The following RAF1 variants were observed in gnomAD, a reference collection of about 807,000 sequenced individuals.
RAF1 encodes RAF proto-oncogene serine/threonine-protein kinase.
In RAF1, 27 loss-of-function variants were observed where a neutral mutation model predicts 81.1. The ratio of observed to expected loss-of-function variants is 0.33; its 90% CI spans 0.25 to 0.46. RAF1 has a LOEUF of 0.46. RAF1 is among the 20% of genes least tolerant of loss of function. The pLI, the probability that RAF1 is intolerant of heterozygous loss-of-function variation, is 1.00. For synonymous variants in RAF1, 298 were observed against 294.0 expected, an observed-to-expected ratio of 1.01 and a Z score of -0.14; for missense variants, 598 against 826.0, an observed-to-expected ratio of 0.72 and a Z score of 3.38.
At chr3:12,609,901 T>C (rs1463734553) in intron 3 of RAF1, among the ~76,000 whole-genome samples, 1 of 152,240 alleles carries the variant, frequency 6.6e-6, no homozygotes, top group Non-Finnish European at 1.5e-5. Context: ...AAATGGATTA[T>C]AAATATTGCT....
intron 1 of RAF1, among the ~76,000 whole-genome samples, chr3:12,644,723 G>C (rs1335000364): frequency 6.6e-6 from 1 of 152,080 alleles, no homozygotes; most frequent in Non-Finnish European, 1.5e-5. Context: ...CTTCAAAAAC[G>C]CCTTAGCAAA....
At chr3:12,641,382 T>C (rs1399005294) in intron 1 of RAF1, among the ~76,000 whole-genome samples, 1 of 150,274 alleles carries the variant, frequency 6.7e-6, no homozygotes, top group Non-Finnish European at 1.5e-5. Flanking sequence ...AAAAAAAGAA[T>C]GTACAGAAAG....
intron 11 of RAF1, among the ~76,000 whole-genome samples, chr3:12,595,551 C>T: frequency 6.6e-6 from 1 of 152,098 alleles, no homozygotes; most frequent in South Asian, 2.1e-4. Flanking sequence ...AACACCCTAC[C>T]ACTGGACCTC....
intron 1 of RAF1, among the ~76,000 whole-genome samples, chr3:12,629,084 T>C (rs944299177): frequency 6.6e-6 from 1 of 152,164 alleles, no homozygotes; most frequent in African/African-American, 2.4e-5. Flanking sequence ...TGTATCATAA[T>C]TCCTATGGAT....
rs1287356474 is a variant in RAF1 at position 12,619,116 on chromosome 3, G to A, written c.-26-369C>T. ...AAAAATTAGCCGGGCGTGGTGGCGG[G>A]CGCCTGTAGTCCCAGCTACTCGGGA... On this transcript the variant is annotated intron_variant, in intron 1 of 17. Coordinates refer to ENST00000442415, the MANE Select transcript of RAF1 (RefSeq NM_001354689.3). 2.0e-5 allele frequency among the ~76,000 whole-genome samples: 3 copies of A among 152,188 alleles called. No homozygotes were observed. In the East Asian group the frequency reaches 5.8e-4, roughly 29 times the overall value.
At chr3:12,657,979 A>G (rs545837747) in intron 1 of RAF1, among the ~76,000 whole-genome samples, 7 of 152,282 alleles carry the variant, frequency 4.6e-5, no homozygotes, top group East Asian at 3.9e-4. Context: ...TATTCTGGAC[A>G]TTACATATAA....
chr3:12,650,826 A>G (rs1356376079), intron 1 of RAF1, among the ~76,000 whole-genome samples: 1 of 152,208 alleles, frequency 6.6e-6, no homozygotes, highest in Non-Finnish European at 1.5e-5. Flanking sequence ...GGTAGGGAGG[A>G]TTCTTAAGAA....
intron 11 of RAF1, among the ~76,000 whole-genome samples, chr3:12,595,611 CCTT>C (rs1477518698): frequency 6.6e-6 from 1 of 152,106 alleles, no homozygotes; most frequent in African/African-American, 2.4e-5. Flanking sequence ...CATAAGATCT[CCTT>C]GAGTTCTCGG....
intron 11 of RAF1, among the ~76,000 whole-genome samples, chr3:12,597,483 G>A (rs1575559456): frequency 1.3e-5 from 2 of 152,162 alleles, no homozygotes; most frequent in Admixed American, 1.3e-4. Flanking sequence ...AATGCTAACA[G>A]AAGCAATAAA....
intron 13 of RAF1, chr3:12,589,213 C>T (rs886466629): frequency 6.6e-6 from 1 of 152,214 alleles, no homozygotes; most frequent in Non-Finnish European, 1.5e-5. Flanking sequence ...TGTTTCTTTC[C>T]GGGATAATGA....
intron 13 of RAF1, chr3:12,588,212 TACTC>T (rs2125334251): frequency 6.6e-6 from 1 of 152,372 alleles, no homozygotes; most frequent in South Asian, 2.1e-4. Context: ...AATGGAATGT[TACTC>T]AGACACAGAA....
rs1224340893 is a variant in RAF1, at chr3:12,640,135, A to G, written c.-26-21388T>C. On this transcript the variant is annotated intron_variant, in intron 1 of 17. Transcript: ENST00000442415. ...AAATGGGGAAAGGATTCCCTATTTA[A>G]TAAATGGTGCTGGGAAAACTGGCTA... 2.0e-5 allele frequency among the ~76,000 whole-genome samples: 3 copies of G among 152,228 alleles called. No homozygotes were observed. In the East Asian group the frequency reaches 5.8e-4, roughly 29 times the overall value.
At chr3:12,625,711 A>T (rs1198739778) in intron 1 of RAF1, among the ~76,000 whole-genome samples, 1 of 152,126 alleles carries the variant, frequency 6.6e-6, no homozygotes, top group Non-Finnish European at 1.5e-5. Context: ...ATTTACCCCC[A>T]GCTACTTAAG....
intron 1 of RAF1, among the ~76,000 whole-genome samples, chr3:12,640,938 C>T (rs1248393744): frequency 6.6e-6 from 1 of 152,044 alleles, no homozygotes; most frequent in Non-Finnish European, 1.5e-5. Context: ...GTACTATTCA[C>T]AATAGCAAAG....
chr3:12,609,099 C>T (rs2125418426), intron 4 of RAF1, 134 bp downstream of exon 4: 1 of 1,022,330 alleles, frequency 9.8e-7, no homozygotes, highest in Non-Finnish European at 1.5e-6. Context: ...AATTGCCTTA[C>T]TGTAAACAAC....
chr3:12,626,137 C>T (rs2059694644), intron 1 of RAF1, among the ~76,000 whole-genome samples: 2 of 150,486 alleles, frequency 1.3e-5, no homozygotes, highest in African/African-American at 2.4e-5. Context: ...CGTGGTGGTG[C>T]GCGCCTGTAA....
At chr3:12,628,141 T>C (rs2059759352) in intron 1 of RAF1, among the ~76,000 whole-genome samples, 1 of 152,226 alleles carries the variant, frequency 6.6e-6, no homozygotes. Flanking sequence ...AGTGTAAAAC[T>C]ATTTCTACAT....
chr3:12,661,462 C>T (rs1393523417), intron 1 of RAF1, among the ~76,000 whole-genome samples: 1 of 151,410 alleles, frequency 6.6e-6, no homozygotes, highest in African/African-American at 2.4e-5. Flanking sequence ...CCAGCGAGGC[C>T]GTGGGAGGCC....
intron 1 of RAF1, among the ~76,000 whole-genome samples, chr3:12,621,793 A>G (rs2059563988): frequency 1.3e-5 from 2 of 152,226 alleles, no homozygotes; most frequent in South Asian, 4.1e-4. Context: ...ATCCATATAT[A>G]CAGAGGTGGG....
Sources: gnomAD v4.1 joint callset for allele counts (sites outside exome capture counted in the v4.1 genomes callset) on GRCh38, gnomAD v4.1.1 for gene constraint, MANE v1.5 for transcripts, NCBI Gene and HGNC (gene_info 2026-07-23, HGNC 2026-07-21) for gene names.